The following WIPF2 variants were observed in gnomAD, a reference collection of about 807,000 sequenced individuals.
WIPF2 encodes the protein WAS/WASL interacting protein family member 2, also known as WAS/WASL-interacting protein family member 2.
In WIPF2, 23 loss-of-function variants were observed where a neutral mutation model predicts 38.8. The ratio of observed to expected loss-of-function variants is 0.59; its 90% CI spans 0.43 to 0.84. The LOEUF (loss-of-function observed/expected upper bound fraction) is 0.84. Ranked by LOEUF, WIPF2 falls within the 40% of genes least tolerant of loss-of-function variation. The pLI is 0.00. For synonymous variants in WIPF2, 210 were observed against 223.2 expected (o/e 0.94, Z 0.53); for missense variants, 574 against 580.5 (o/e 0.99, Z 0.11).
rs1258201756 is a variant in WIPF2 at position 40,235,962 on chromosome 17, AT to A, written c.-70+16484del. 8.2e-3 allele frequency among the ~76,000 whole-genome samples: 1,158 copies of A among 141,392 alleles called. 8 individuals are homozygous for A. The highest frequency in any genetic ancestry group is 0.026 in the African/African-American group (1,006 of 38,628). 92.8% of individuals were successfully genotyped at this position (141,392 alleles called of 152,430 possible). On this transcript the variant is annotated intron_variant, in intron 1 of 7. Transcript: ENST00000323571. ...TTGGCAGTTTGACTGGATTAAAAAAATTTTTTTTTTTTTTGAGATGGAGTCT... is the reference window on the plus strand; with the variant it reads ...TTGGCAGTTTGACTGGATTAAAAAAATTTTTTTTTTTTTGAGATGGAGTCT...
At chr17:40,222,432 G>A (rs961933594) in intron 1 of WIPF2, among the ~76,000 whole-genome samples, 1 of 151,028 alleles carries the variant, frequency 6.6e-6, no homozygotes. Context: ...CCAAGGTGGT[G>A]GATCACCTGA....
intron 2 of WIPF2, among the ~76,000 whole-genome samples, chr17:40,260,302 C>G (rs2031855508): frequency 6.8e-6 from 1 of 147,994 alleles, no homozygotes; most frequent in Non-Finnish European, 1.5e-5. Flanking sequence ...ATTCTCCTGT[C>G]TCAGCCTCCT....
In WIPF2 at chr17:40,282,467, G is replaced by C. The variant is rs186137725; in HGVS notation, c.*4242G>C. The C allele has an allele frequency of 6.8e-6, 1 of 146,164 alleles. No homozygotes were observed. Among genetic ancestry groups the C allele is most frequent in the Non-Finnish European group, 1.5e-5 (1 of 68,004 alleles). 9.1% of individuals were successfully genotyped at this position (146,164 alleles called of 1,614,324 possible). On this transcript the variant is annotated 3_prime_UTR_variant, in exon 8 of 8. Transcript: ENST00000323571. ...CACGTGTGCGTGCGCACGCGTGTGCGTGTGTGTGTTCATCTGTCTGCATGT... is the reference window on the plus strand; with the variant it reads ...CACGTGTGCGTGCGCACGCGTGTGCCTGTGTGTGTTCATCTGTCTGCATGT...
intron 1 of WIPF2, among the ~76,000 whole-genome samples, chr17:40,229,252 C>T (rs1177321506): frequency 1.3e-5 from 2 of 150,170 alleles, no homozygotes; most frequent in African/African-American, 2.5e-5. Flanking sequence ...GCTAGGATTA[C>T]AGGCATGCAT....
chr17:40,224,232 T>C (rs2030378696), intron 1 of WIPF2, among the ~76,000 whole-genome samples: 1 of 99,774 alleles, frequency 1.0e-5, no homozygotes, highest in African/African-American at 3.9e-5. Context: ...TTTTCTTTTC[T>C]TTTTTTTTTT....
rs561098022 is a variant in WIPF2 at position 40,283,472 on chromosome 17, C to T, written c.*5247C>T. On this transcript the variant is annotated 3_prime_UTR_variant, in exon 8 of 8. Coordinates refer to ENST00000323571, the MANE Select transcript of WIPF2 (RefSeq NM_133264.5). Reference sequence around the variant, plus strand: ...ATGTTGCCCAGACTGGTCTCAAATTCCTGGGCTTAAGTGATTGTCCCACCT... The same window carrying T: ...ATGTTGCCCAGACTGGTCTCAAATTTCTGGGCTTAAGTGATTGTCCCACCT... 4 of 152,180 alleles carry T rather than the reference C, an allele frequency of 2.6e-5. No homozygotes were observed. Among genetic ancestry groups the T allele is most frequent in the African/African-American group, 9.6e-5 (4 of 41,496 alleles). 9.4% of individuals were successfully genotyped at this position (152,180 alleles called of 1,614,324 possible).
At chr17:40,252,956 G>A (rs953918866) in intron 1 of WIPF2, among the ~76,000 whole-genome samples, 2 of 151,628 alleles carry the variant, frequency 1.3e-5, no homozygotes, top group African/African-American at 4.8e-5. Flanking sequence ...GTAGAGATGG[G>A]GTTTCTTCCA....
chr17:40,273,894 C>T lies in WIPF2; in HGVS notation c.1075C>T (p.Pro359Ser). The change falls in exon 6 of 8, where the codon CCC becomes TCC. Residue 359 changes from proline to serine, a missense_variant. Physicochemically the swap from Pro to Ser is moderately conservative, Grantham distance 74. Transcript: ENST00000323571. The part of the protein sequence containing the change: ...HGSEPPSRGK[P>S]PPPPSRTPAG... The stretch of plus-strand genomic sequence containing the variant: ...GTCAGAACCCCCGAGCCGAGGAAAG[C>T]CCCCACCTCCACCCTCAAGGACGCC... 1 of 1,577,780 alleles carries T rather than the reference C, an allele frequency of 6.3e-7. No homozygotes were observed. The highest frequency in any genetic ancestry group is 8.6e-7 in the Non-Finnish European group (1 of 1,158,462).
intron 1 of WIPF2, among the ~76,000 whole-genome samples, chr17:40,244,504 GTTAGTAC>G: frequency 6.6e-6 from 1 of 152,306 alleles, no homozygotes; most frequent in East Asian, 1.9e-4. Context: ...AAGGCCTTCA[GTTAGTAC>G]TTAGTCTCTG....
intron 1 of WIPF2, among the ~76,000 whole-genome samples, chr17:40,243,445 C>T (rs1374147607): frequency 2.0e-5 from 3 of 152,016 alleles, no homozygotes; most frequent in African/African-American, 7.2e-5. Context: ...TATCTTCTTC[C>T]TCCTTCATTT....
rs191410397 is a variant in WIPF2, at chr17:40,237,731, G to A, written c.-70+18239G>A. Among the ~76,000 whole-genome samples the A allele has an allele frequency of 3.7e-3, 539 of 146,822 alleles. 5 individuals carry two copies. The highest frequency in any genetic ancestry group is 0.013 in the African/African-American group (516 of 39,818). On this transcript the variant is annotated intron_variant, in intron 1 of 7. Coordinates refer to ENST00000323571, the MANE Select transcript of WIPF2 (RefSeq NM_133264.5). Reference sequence around the variant, plus strand: ...CGTGATCTCGGCTCACTGCAACCTCGGCCTCCCGGGTTCGAATGATTTTCC... The same window carrying A: ...CGTGATCTCGGCTCACTGCAACCTCAGCCTCCCGGGTTCGAATGATTTTCC...
chr17:40,235,913 A>G (rs1199852065), intron 1 of WIPF2, among the ~76,000 whole-genome samples: 1 of 149,584 alleles, frequency 6.7e-6, no homozygotes, highest in Non-Finnish European at 1.5e-5. Context: ...GCATATCTGA[A>G]TTACCTCCTT....
At chr17:40,249,075 A>G (rs1186900296) in intron 1 of WIPF2, among the ~76,000 whole-genome samples, 3 of 152,164 alleles carry the variant, frequency 2.0e-5, no homozygotes, top group Non-Finnish European at 4.4e-5. Flanking sequence ...TGTAGTCAAA[A>G]CTGAGATCAA....
Position 40,281,064 on chromosome 17 carries a change from A to G in WIPF2, c.*2839A>G, listed in dbSNP as rs769450443. 2 of 152,626 alleles carry G rather than the reference A, an allele frequency of 1.3e-5. No individual in the cohort carries two copies. Among genetic ancestry groups the G allele is most frequent in the Non-Finnish European group, 2.9e-5 (2 of 68,052 alleles). The allele number at this position is 152,626 out of a possible 1,614,324, so 9.5% of individuals were successfully genotyped here. On this transcript the variant is annotated 3_prime_UTR_variant, in exon 8 of 8. Coordinates refer to ENST00000323571, the MANE Select transcript of WIPF2 (RefSeq NM_133264.5). ...TTAGGTTTAAGGTGGGCTGGCTACA[A>G]GAGCACTAAAACTCCTCACCTTTTA... is the stretch of plus-strand genomic sequence containing the variant.
intron 1 of WIPF2, among the ~76,000 whole-genome samples, chr17:40,246,109 T>TC (rs1166296659): frequency 6.7e-6 from 1 of 149,862 alleles, no homozygotes; most frequent in Non-Finnish European, 1.5e-5. Context: ...TTTTTTTTTT[T>TC]CCTGAGTCTC....
chr17:40,261,290 A>G lies in WIPF2; in HGVS notation c.196+623A>G, dbSNP rs114601632. Among the ~76,000 whole-genome samples the G allele has an allele frequency of 7.8e-3, 1,184 of 151,536 alleles. 17 individuals are homozygous for G. Among genetic ancestry groups the G allele is most frequent in the African/African-American group, 0.027 (1,117 of 41,346 alleles). On this transcript the variant is annotated intron_variant, in intron 3 of 7. Coordinates refer to ENST00000323571, the MANE Select transcript of WIPF2 (RefSeq NM_133264.5). Reference sequence around the variant, plus strand: ...AGAAGAGCCCAGATAACTATGTTGAACATTTCTTTTTTTTTTTTTAAAGAC... The same window carrying G: ...AGAAGAGCCCAGATAACTATGTTGAGCATTTCTTTTTTTTTTTTTAAAGAC...
intron 1 of WIPF2, among the ~76,000 whole-genome samples, chr17:40,237,339 C>G (rs2031014183): frequency 6.7e-6 from 1 of 149,240 alleles, no homozygotes; most frequent in African/African-American, 2.5e-5. Context: ...CTCCTGGGTT[C>G]AAGGGATTCC....
intron 1 of WIPF2, among the ~76,000 whole-genome samples, chr17:40,238,018 A>G (rs1483467297): frequency 6.7e-6 from 1 of 149,030 alleles, no homozygotes. Flanking sequence ...GTGAGTCAAG[A>G]TGGTGCCACT....
intron 1 of WIPF2, among the ~76,000 whole-genome samples, chr17:40,246,298 C>A (rs1333093823): frequency 6.6e-6 from 1 of 151,684 alleles, no homozygotes; most frequent in African/African-American, 2.4e-5. Context: ...GTTGGCCAGG[C>A]TGGTCTCGAA....
Sources: allele counts gnomAD v4.1 joint callset (sites outside exome capture counted in the v4.1 genomes callset), GRCh38; gene constraint gnomAD v4.1.1; transcripts MANE v1.5; gene names NCBI Gene and HGNC (gene_info 2026-07-23, HGNC 2026-07-21).